The following DLG2 variants were observed in gnomAD, a reference collection of about 807,000 sequenced individuals.
DLG2 encodes the protein disks large homolog 2.
DLG2 carries 45 observed loss-of-function variants against 132.5 expected under a neutral mutation model. That is an observed-to-expected ratio of 0.34 (90% CI 0.27 to 0.44). The LOEUF (loss-of-function observed/expected upper bound fraction) is 0.44, where lower values mean the gene tolerates loss of function less well. DLG2 is among the 20% of genes least tolerant of loss of function. DLG2 has a pLI of 1.00. For synonymous variants in DLG2, 424 were observed against 419.6 expected (o/e 1.01, Z -0.13); for missense variants, 1,045 against 1,196.9 (o/e 0.87, Z 1.87).
At chr11:85,493,140 C>G (rs1330466996) in intron 3 of DLG2, among the ~76,000 whole-genome samples, 1 of 152,058 alleles carries the variant, frequency 6.6e-6, no homozygotes, top group African/African-American at 2.4e-5. Context: ...GAACTGAGTA[C>G]TGATGAGTTG....
chr11:83,708,502 A>G (rs2084592300), intron 18 of DLG2, among the ~76,000 whole-genome samples: 1 of 152,230 alleles, frequency 6.6e-6, no homozygotes. Flanking sequence ...CCATAAAACA[A>G]GGCCAGAAAT....
At chr11:83,619,225 A>G (rs1265198768) in intron 19 of DLG2, among the ~76,000 whole-genome samples, 1 of 152,204 alleles carries the variant, frequency 6.6e-6, no homozygotes, top group Non-Finnish European at 1.5e-5. Flanking sequence ...CATGTCAAAG[A>G]TCTACTCACT....
At chr11:85,080,711 G>T (rs753315572) in intron 6 of DLG2, among the ~76,000 whole-genome samples, 1 of 152,100 alleles carries the variant, frequency 6.6e-6, no homozygotes, top group Non-Finnish European at 1.5e-5. Context: ...ACCACAAAGG[G>T]ATAGTTAACA....
intron 19 of DLG2, among the ~76,000 whole-genome samples, chr11:83,606,799 C>A (rs929837957): frequency 6.6e-6 from 1 of 152,010 alleles, no homozygotes; most frequent in Non-Finnish European, 1.5e-5. Context: ...TGGTGGCGGG[C>A]GCCTGTGGTC....
At chr11:84,568,495 A>G (rs1478021217) in intron 6 of DLG2, among the ~76,000 whole-genome samples, 2 of 152,196 alleles carry the variant, frequency 1.3e-5, no homozygotes, top group Non-Finnish European at 2.9e-5. Context: ...AGACAGAGCA[A>G]GACACCATCT....
intron 6 of DLG2, among the ~76,000 whole-genome samples, chr11:84,875,035 A>G (rs2086118405): frequency 6.6e-6 from 1 of 151,766 alleles, no homozygotes; most frequent in Admixed American, 6.6e-5. Flanking sequence ...AAAAAAAAAA[A>G]AAAGAGAAAG....
At chr11:84,350,019 T>C (rs1246901957) in intron 7 of DLG2, among the ~76,000 whole-genome samples, 2 of 151,624 alleles carry the variant, frequency 1.3e-5, no homozygotes, top group Non-Finnish European at 2.9e-5. Flanking sequence ...CTACTAAAAA[T>C]ACAAAAAAAT....
intron 7 of DLG2, among the ~76,000 whole-genome samples, chr11:84,449,649 G>A (rs1035501238): frequency 1.3e-5 from 2 of 151,554 alleles, no homozygotes; most frequent in African/African-American, 4.8e-5. Context: ...CCTTAGTATT[G>A]GTCTAACATC....
chr11:85,255,420 T>G (rs1237471073), intron 4 of DLG2, among the ~76,000 whole-genome samples: 2 of 152,246 alleles, frequency 1.3e-5, no homozygotes, highest in African/African-American at 4.8e-5. Flanking sequence ...AACTGCATTT[T>G]AAAATGCCAT....
intron 7 of DLG2, among the ~76,000 whole-genome samples, chr11:84,403,072 T>C (rs1259159710): frequency 6.6e-6 from 1 of 151,970 alleles, no homozygotes; most frequent in African/African-American, 2.4e-5. Context: ...TAATATCTGA[T>C]ATTTCACCAT....
At chr11:85,538,033 G>A (rs190798725) in intron 3 of DLG2, among the ~76,000 whole-genome samples, 5 of 151,984 alleles carry the variant, frequency 3.3e-5, no homozygotes, top group African/African-American at 7.3e-5. Context: ...GGAGAATGGC[G>A]TGAACCCAGG....
In DLG2 at chr11:85,162,664, G is replaced by A. The variant is rs118066415; in HGVS notation, c.187-8013C>T. The stretch of plus-strand genomic sequence containing the variant: ...AGCATTAAAGTATTGTTAACTTTAT[G>A]TAGTAGTATTTGGGTTGGGGATTGG... On this transcript the variant is annotated intron_variant, in intron 4 of 27. Transcript: ENST00000376104. Among the ~76,000 whole-genome samples the A allele has an allele frequency of 4.3e-3, 652 of 152,306 alleles. 13 individuals are homozygous for A. The East Asian group carries it at 0.062, about 14-fold the overall frequency.
chr11:84,557,448 G>A (rs369416303), intron 6 of DLG2, among the ~76,000 whole-genome samples: 1 of 151,622 alleles, frequency 6.6e-6, no homozygotes, highest in Non-Finnish European at 1.5e-5. Flanking sequence ...ACACATACTG[G>A]TTCCATTTCT....
At chr11:84,576,421 T>G (rs1028866889) in intron 6 of DLG2, among the ~76,000 whole-genome samples, 30 of 152,210 alleles carry the variant, frequency 2.0e-4, no homozygotes, top group African/African-American at 7.2e-4. Flanking sequence ...TGAAGCTGAT[T>G]AATTATGCTT....
intron 3 of DLG2, among the ~76,000 whole-genome samples, chr11:85,445,499 G>A (rs2091968266): frequency 6.6e-6 from 1 of 152,152 alleles, no homozygotes; most frequent in African/African-American, 2.4e-5. Context: ...TCAACATGGT[G>A]AAACCCCGTC....
intron 9 of DLG2, among the ~76,000 whole-genome samples, chr11:84,126,402 G>T (rs1031914814): frequency 6.6e-6 from 1 of 152,114 alleles, no homozygotes; most frequent in Non-Finnish European, 1.5e-5. Context: ...CTCAAGGAGA[G>T]GCTGGCCTTT....
chr11:85,571,607 G>T (rs1026995475), intron 3 of DLG2, among the ~76,000 whole-genome samples: 1 of 152,082 alleles, frequency 6.6e-6, no homozygotes, highest in Non-Finnish European at 1.5e-5. Flanking sequence ...GGTTTCTTGG[G>T]CATGTGCACA....
intron 26 of DLG2, among the ~76,000 whole-genome samples, chr11:83,462,455 A>G (rs1390507612): frequency 6.6e-6 from 1 of 152,220 alleles, no homozygotes; most frequent in Admixed American, 6.5e-5. Flanking sequence ...TCTTCAGAAT[A>G]AACTGTCCTA....
chr11:85,248,695 T>A (rs908279720), intron 4 of DLG2, among the ~76,000 whole-genome samples: 6 of 152,172 alleles, frequency 3.9e-5, no homozygotes, highest in African/African-American at 1.4e-4. Flanking sequence ...GCAAGGTTAC[T>A]AAGGTCAAAT....
Sources: allele counts gnomAD v4.1 joint callset (sites outside exome capture counted in the v4.1 genomes callset), GRCh38; gene constraint gnomAD v4.1.1; transcripts MANE v1.5; gene names NCBI Gene and HGNC (gene_info 2026-07-23, HGNC 2026-07-21).